KAZN: variants seen among roughly 807,000 people sequenced by gnomAD.
KAZN encodes the protein kazrin, periplakin interacting protein.
A neutral mutation model predicts 87.4 loss-of-function variants in KAZN; 40 were observed. The ratio of observed to expected loss-of-function variants is 0.46; its 90% confidence interval spans 0.36 to 0.60. The LOEUF (loss-of-function observed/expected upper bound fraction) is 0.60. Ranked by LOEUF, KAZN falls within the 20% of genes least tolerant of loss-of-function variation. KAZN has a pLI of 0.00. For missense variants in KAZN, 898 were observed against 1,073.9 expected, an observed-to-expected ratio of 0.84 and a Z score of 2.29; for synonymous variants, 466 against 458.3, an observed-to-expected ratio of 1.02 and a Z score of -0.22.
chr1:14,701,329 CTA>C (rs1023617083), intron 1 of KAZN, among the ~76,000 whole-genome samples: 1 of 152,184 alleles, frequency 6.6e-6, no homozygotes, highest in Non-Finnish European at 1.5e-5. Context: ...TTAGTTCTCA[CTA>C]TGTTTCCCAG....
chr1:14,598,798 C>T lies in KAZN; in HGVS notation c.-200C>T, dbSNP rs1676696899. On this transcript the variant is annotated 5_prime_UTR_variant, in exon 1 of 15. Coordinates refer to ENST00000376030, the MANE Select transcript of KAZN (RefSeq NM_201628.3). The surrounding 1 kb of genome is among the most constrained non-coding windows in gnomAD (Gnocchi z 4.2). ...GCCTCCTCCCCCCGCCGCCTCGCCA[C>T]CGCCGCGGCTAGGGCTGGAGGCGCC... 2 of 1,349,426 alleles carry T rather than the reference C, an allele frequency of 1.5e-6. No homozygotes were observed. The highest frequency in any genetic ancestry group is 4.2e-5 in the Admixed American group (1 of 23,972). The allele number at this position is 1,349,426 out of a possible 1,614,324, so 83.6% of individuals were successfully genotyped here. A position where few individuals can be genotyped will look rare whatever the true frequency, so the allele number is the denominator to read the frequency against.
At chr1:14,461,887 G>A (rs1204975730) in intron 2 of KAZN, among the ~76,000 whole-genome samples, 1 of 151,968 alleles carries the variant, frequency 6.6e-6, no homozygotes, top group East Asian at 1.9e-4. Context: ...GAGGCCATCA[G>A]CCTAAGATAC....
chr1:14,466,159 A>G (rs1668113934), intron 2 of KAZN, among the ~76,000 whole-genome samples: 1 of 152,188 alleles, frequency 6.6e-6, no homozygotes, highest in Non-Finnish European at 1.5e-5. Context: ...GGTAAGCAAC[A>G]CATGACTACA....
chr1:15,094,204 C>A lies in KAZN; in HGVS notation c.1247C>A (p.Thr416Lys), dbSNP rs1557793580. The change falls in exon 9 of 15, where the codon ACG (threonine) becomes AAG (lysine). Residue 416 changes from threonine (T) to lysine (K), a missense_variant. Thr to Lys is a moderately conservative substitution (Grantham distance 78, BLOSUM62 -1). Transcript: ENST00000376030. The surrounding 1 kb of genome is among the most constrained non-coding windows in gnomAD (Gnocchi z 4.5). Reference protein sequence around the residue: ...FDDSDSQCSPTRQSLSLSEGE... With the variant: ...FDDSDSQCSPKRQSLSLSEGE... ...GACTCGGACAGCCAGTGCAGCCCCA[C>A]GCGGCAGAGCCTCAGCCTGTCGGAA... is the stretch of plus-strand genomic sequence containing the variant. The A allele has an allele frequency of 6.2e-7, 1 of 1,613,582 alleles. No individual in the cohort carries two copies. The highest frequency in any genetic ancestry group is 1.7e-5 in the Admixed American group (1 of 60,012).
chr1:15,046,385 CGTT>C (rs1462014743), intron 4 of KAZN, among the ~76,000 whole-genome samples: 1 of 151,602 alleles, frequency 6.6e-6, no homozygotes, highest in Non-Finnish European at 1.5e-5. Flanking sequence ...TCTTCATCCT[CGTT>C]GTCTTCACGC....
At chr1:14,327,417 A>G (rs560805075) in intron 2 of KAZN, among the ~76,000 whole-genome samples, 1 of 152,172 alleles carries the variant, frequency 6.6e-6, no homozygotes, top group Non-Finnish European at 1.5e-5. Context: ...TGGAATGCCG[A>G]ACCCACCTCA....
chr1:14,634,643 T>G (rs1679827982), intron 1 of KAZN, among the ~76,000 whole-genome samples: 1 of 152,184 alleles, frequency 6.6e-6, no homozygotes, highest in Non-Finnish European at 1.5e-5. Context: ...AACATCCTGT[T>G]TATGTGGCTC....
chr1:14,154,689 G>A (rs1482604595), intron 1 of KAZN, among the ~76,000 whole-genome samples: 1 of 152,154 alleles, frequency 6.6e-6, no homozygotes, highest in Non-Finnish European at 1.5e-5. Context: ...AGTTTTTGGA[G>A]GGTTTTTATC....
intron 1 of KAZN, among the ~76,000 whole-genome samples, chr1:13,993,222 G>A (rs12738601): frequency 0.12 from 18,332 of 152,200 alleles, 1,263 homozygotes; most frequent in Middle Eastern, 0.2. Flanking sequence ...AGTGAAGGTA[G>A]CACTGCAGGG....
intron 2 of KAZN, among the ~76,000 whole-genome samples, chr1:15,006,171 G>C (rs776940734): frequency 6.6e-6 from 1 of 152,266 alleles, no homozygotes; most frequent in Non-Finnish European, 1.5e-5. Context: ...AAGCCCTTTA[G>C]CATTTACAAA....
At chr1:14,818,536 G>A (rs914059918) in intron 1 of KAZN, among the ~76,000 whole-genome samples, 1 of 152,268 alleles carries the variant, frequency 6.6e-6, no homozygotes, top group African/African-American at 2.4e-5. Context: ...CAGCCCAGCA[G>A]GAGCTGCAGC....
intron 2 of KAZN, among the ~76,000 whole-genome samples, chr1:14,997,555 C>G (rs1668025164): frequency 6.6e-6 from 1 of 152,096 alleles, no homozygotes; most frequent in East Asian, 1.9e-4. Flanking sequence ...GTTTTCTTTA[C>G]TTGAGTTCCT....
intron 1 of KAZN, among the ~76,000 whole-genome samples, chr1:14,958,050 C>T (rs531294531): frequency 4.6e-5 from 7 of 152,260 alleles, no homozygotes; most frequent in Admixed American, 1.3e-4. Flanking sequence ...TTCCCAAGGC[C>T]GCTGGTGGGA....
chr1:15,094,369 A>G lies in KAZN; in HGVS notation c.1412A>G (p.Asn471Ser). ...ATGTACGTCAAGGCCTGCACGGAGAACGTGAAGAGCGGGAAGGTAGGCAAC... is the reference window on the plus strand; with the variant it reads ...ATGTACGTCAAGGCCTGCACGGAGAGCGTGAAGAGCGGGAAGGTAGGCAAC... Reference protein sequence around the residue: ...MPMYVKACTENVKSGKVLLSL... With the variant: ...MPMYVKACTESVKSGKVLLSL... The change falls in exon 9 of 15, where the codon AAC becomes AGC. Residue 471 changes from asparagine (N) to serine (S), a missense_variant. Asn to Ser is a conservative substitution (Grantham distance 46). This residue lies in a region of KAZN where 521 missense variants were observed against 689.4 expected (regional missense o/e 0.76). Transcript: ENST00000376030. The surrounding 1 kb of genome is among the most constrained non-coding windows in gnomAD (Gnocchi z 4.5). The G allele has an allele frequency of 6.2e-7, 1 of 1,613,182 alleles. No homozygotes were observed.
At chr1:14,688,091 C>T (rs1641064646) in intron 1 of KAZN, among the ~76,000 whole-genome samples, 1 of 152,168 alleles carries the variant, frequency 6.6e-6, no homozygotes, top group African/African-American at 2.4e-5. Context: ...CTAGACGTCT[C>T]TACTCCTGGA....
intron 1 of KAZN, among the ~76,000 whole-genome samples, chr1:14,702,047 G>C (rs2148806105): frequency 6.6e-6 from 1 of 152,296 alleles, no homozygotes; most frequent in South Asian, 2.1e-4. Context: ...CTTCGCCTCT[G>C]GTCCTTTCTC....
intron 1 of KAZN, among the ~76,000 whole-genome samples, chr1:14,936,321 G>A (rs1036473658): frequency 1.3e-5 from 2 of 152,204 alleles, no homozygotes; most frequent in African/African-American, 2.4e-5. Flanking sequence ...GATGCGGTTG[G>A]TACCATCAGA....
chr1:14,985,382 A>T (rs553921711), intron 2 of KAZN, among the ~76,000 whole-genome samples: 1 of 151,858 alleles, frequency 6.6e-6, no homozygotes, highest in South Asian at 2.1e-4. Flanking sequence ...ATTTTTAAAA[A>T]TTAGCTGGGC....
rs905904481 is a variant in KAZN, at chr1:15,103,555, A to G, written c.1881+95A>G. ...TCAATATGCAAATCACATGCAAATC[A>G]ATATGCAGATCTCATGCAAATCAAT... is the stretch of plus-strand genomic sequence containing the variant. On this transcript the variant is annotated intron_variant, in intron 12 of 14. Coordinates refer to ENST00000376030, the MANE Select transcript of KAZN (RefSeq NM_201628.3). The G allele has an allele frequency of 8.5e-6, 7 of 819,284 alleles. No homozygotes were observed. The South Asian group carries it at 8.8e-5, about 10-fold the overall frequency. The allele number at this position is 819,284 out of a possible 1,614,324, so 50.8% of individuals were successfully genotyped here. A position where few individuals can be genotyped will look rare whatever the true frequency, so the allele number is the denominator to read the frequency against.
Sources: allele counts gnomAD v4.1 joint callset (sites outside exome capture counted in the v4.1 genomes callset), GRCh38; gene constraint gnomAD v4.1.1; regional missense constraint gnomAD v4.1.1; non-coding constraint Gnocchi (gnomAD v3.1); transcripts MANE v1.5; gene names NCBI Gene and HGNC (gene_info 2026-07-23, HGNC 2026-07-21).